CDH6: variants seen among roughly 807,000 people sequenced by gnomAD.
The protein encoded by CDH6 is cadherin-6.
In CDH6, 31 loss-of-function variants were observed where a neutral mutation model predicts 78.0. That is an observed-to-expected ratio of 0.40 (90% CI 0.30 to 0.54). The LOEUF is 0.54. CDH6 is among the 20% of genes least tolerant of loss of function. The pLI is 0.56. For missense variants in CDH6, 724 were observed against 975.9 expected (o/e 0.74, Z 3.44); for synonymous variants, 376 against 368.8 (o/e 1.02, Z -0.23).
At chr5:31,197,939 G>C (rs1278659459) in intron 1 of CDH6, among the ~76,000 whole-genome samples, 2 of 152,070 alleles carry the variant, frequency 1.3e-5, no homozygotes, top group African/African-American at 4.8e-5. Context: ...ACAATCTTAT[G>C]AGGAACTTCA....
intron 2 of CDH6, among the ~76,000 whole-genome samples, 165 bp downstream of exon 2, chr5:31,267,866 T>C (rs757313355): frequency 9.2e-5 from 14 of 152,002 alleles, no homozygotes; most frequent in Non-Finnish European, 7.4e-5. Context: ...GGAAGAAGAC[T>C]AGCAAAAAGC....
At chr5:31,234,247 T>C (rs148296263) in intron 1 of CDH6, among the ~76,000 whole-genome samples, 177 of 152,320 alleles carry the variant, frequency 1.2e-3, no homozygotes, top group African/African-American at 4.0e-3. Flanking sequence ...TTTAAGTACA[T>C]GCAAAAATTG....
intron 1 of CDH6, among the ~76,000 whole-genome samples, chr5:31,213,659 G>T (rs1021808408): frequency 2.0e-5 from 3 of 152,138 alleles, no homozygotes; most frequent in Non-Finnish European, 4.4e-5. Flanking sequence ...TGGACTGTCA[G>T]TTGGCAGATG....
At chr5:31,304,917 T>C (rs532723883) in intron 6 of CDH6, among the ~76,000 whole-genome samples, 1 of 152,274 alleles carries the variant, frequency 6.6e-6, no homozygotes, top group South Asian at 2.1e-4. Flanking sequence ...TCTCAGCCCA[T>C]ACATTTTTCA....
intron 1 of CDH6, among the ~76,000 whole-genome samples, chr5:31,223,652 G>A (rs1334649791): frequency 3.3e-5 from 5 of 151,992 alleles, no homozygotes; most frequent in Non-Finnish European, 5.9e-5. Context: ...TTTTGGTTCC[G>A]GTGGTGTATG....
intron 1 of CDH6, among the ~76,000 whole-genome samples, chr5:31,246,520 G>A (rs1741750192): frequency 1.3e-5 from 2 of 152,122 alleles, no homozygotes; most frequent in Admixed American, 6.5e-5. Context: ...ATGTTATCTG[G>A]TGTTTCTCCA....
Position 31,314,994 on chromosome 5 carries a change from A to C in CDH6, c.1391-1214A>C, listed in dbSNP as rs950494405. On this transcript the variant is annotated intron_variant, in intron 8 of 11. Coordinates refer to ENST00000265071, the MANE Select transcript of CDH6 (RefSeq NM_004932.4). ...CTTAACAACCTTTGATATAACAGAA[A>C]CCAAAAGCTTGTGTAAAACCAGCTC... 6.6e-5 allele frequency among the ~76,000 whole-genome samples: 10 copies of C among 152,286 alleles called. 2 individuals are homozygous for C. The highest frequency in any genetic ancestry group is 5.9e-4 in the Admixed American group (9 of 15,294).
At chr5:31,311,345 C>T (rs1738145414) in intron 7 of CDH6, among the ~76,000 whole-genome samples, 1 of 152,192 alleles carries the variant, frequency 6.6e-6, no homozygotes, top group African/African-American at 2.4e-5. Flanking sequence ...CCTCTGAGAC[C>T]TCCTCAGCCT....
rs61586722 is a variant in CDH6 at position 31,276,870 on chromosome 5, T to C, written c.228+9169T>C. Among the ~76,000 whole-genome samples, 467 of 152,300 alleles carry C rather than the reference T, an allele frequency of 3.1e-3. 10 individuals carry two copies. In the South Asian group the frequency reaches 0.047, roughly 15 times the overall value. ...AAATAACTTAATACACAGAAAAGGC[T>C]TAGAACGGGGCCCAAGATATCACAC... On this transcript the variant is annotated intron_variant, in intron 2 of 11. Transcript: ENST00000265071.
At chr5:31,300,699 C>G (rs2149950812) in intron 5 of CDH6, among the ~76,000 whole-genome samples, 1 of 152,270 alleles carries the variant, frequency 6.6e-6, no homozygotes, top group African/African-American at 2.4e-5. Flanking sequence ...CCTGGTACCA[C>G]AGGAATTTGT....
At chr5:31,321,910 C>A in intron 11 of CDH6, among the ~76,000 whole-genome samples, 1 of 152,046 alleles carries the variant, frequency 6.6e-6, no homozygotes, top group East Asian at 1.9e-4. Flanking sequence ...CCCATATGTC[C>A]ATTCATAGAT....
chr5:31,245,582 G>C (rs1346958471), intron 1 of CDH6, among the ~76,000 whole-genome samples: 6 of 152,138 alleles, frequency 3.9e-5, no homozygotes, highest in Middle Eastern at 3.4e-3. Context: ...GACATTACAG[G>C]GTTTTTACTT....
chr5:31,221,011 C>G (rs1049027204), intron 1 of CDH6, among the ~76,000 whole-genome samples: 1 of 152,192 alleles, frequency 6.6e-6, no homozygotes, highest in East Asian at 1.9e-4. Flanking sequence ...CTCACCCTAT[C>G]CTGGATACAG....
chr5:31,313,721 GA>G, intron 8 of CDH6, among the ~76,000 whole-genome samples: 1 of 152,268 alleles, frequency 6.6e-6, no homozygotes, highest in African/African-American at 2.4e-5. Context: ...GTACTCGGTG[GA>G]TTTAATTCCA....
At chr5:31,239,796 G>A (rs1409738714) in intron 1 of CDH6, among the ~76,000 whole-genome samples, 1 of 152,134 alleles carries the variant, frequency 6.6e-6, no homozygotes, top group Non-Finnish European at 1.5e-5. Context: ...AGTCACAGAG[G>A]AATCCATAGC....
chr5:31,249,953 C>G (rs917942219), intron 1 of CDH6: 1 of 152,244 alleles, frequency 6.6e-6, no homozygotes, highest in African/African-American at 2.4e-5. Context: ...AACAGAACCC[C>G]TACCCTGATG....
chr5:31,207,447 AC>A (rs1740562184), intron 1 of CDH6, among the ~76,000 whole-genome samples: 1 of 152,046 alleles, frequency 6.6e-6, no homozygotes, highest in East Asian at 1.9e-4. Context: ...GCATTCTCTG[AC>A]CCCCACCTAC....
chr5:31,285,695 G>A (rs557238021), intron 2 of CDH6, among the ~76,000 whole-genome samples: 2 of 152,264 alleles, frequency 1.3e-5, no homozygotes, highest in South Asian at 4.1e-4. Flanking sequence ...TTGAAATATA[G>A]TTCGGTAAAA....
rs1465898486 is a variant in CDH6, at chr5:31,317,847, C to T, written c.1805C>T (p.Ala602Val). The change falls in exon 11 of 12, where the codon GCG (alanine) becomes GTG (valine). Residue 602 changes from alanine to valine, a missense_variant. By Grantham distance (64) the Ala-to-Val change is moderately conservative (BLOSUM62 0). Coordinates refer to ENST00000265071, the MANE Select transcript of CDH6 (RefSeq NM_004932.4). ...CACGGGAACATGCAATCCTGCCATG[C>T]GGAGGCGCTCATCCACCCCACGGGA... ...DHHGNMQSCHAEALIHPTGLS... is the reference protein window; with the variant it reads ...DHHGNMQSCHVEALIHPTGLS... 2 of 1,614,070 alleles carry T rather than the reference C, an allele frequency of 1.2e-6. No homozygotes were observed. The highest frequency in any genetic ancestry group is 1.7e-6 in the Non-Finnish European group (2 of 1,179,966).
Sources: allele counts gnomAD v4.1 joint callset (sites outside exome capture counted in the v4.1 genomes callset), GRCh38; gene constraint gnomAD v4.1.1; transcripts MANE v1.5; gene names NCBI Gene and HGNC (gene_info 2026-07-23, HGNC 2026-07-21).